ABLIM1: variants seen among roughly 807,000 people sequenced by gnomAD.
ABLIM1 encodes the protein actin binding LIM protein 1.
Under a neutral mutation model 107.0 loss-of-function variants are expected in ABLIM1, and 40 were observed. The ratio of observed to expected loss-of-function variants is 0.37; its 90% CI spans 0.29 to 0.49. ABLIM1 has a LOEUF of 0.49. ABLIM1 is among the 20% of genes least tolerant of loss of function. The pLI is 0.97. For missense variants in ABLIM1, 857 were observed against 1,008.5 expected (o/e 0.85, Z 2.04); for synonymous variants, 357 against 357.3 (o/e 1.00, Z 0.01).
chr10:114,545,370 C>T (rs896184082), intron 5 of ABLIM1, among the ~76,000 whole-genome samples: 2 of 152,200 alleles, frequency 1.3e-5, no homozygotes, highest in African/African-American at 4.8e-5. Context: ...TTTACTGTCT[C>T]AGAGCTAACT....
intron 1 of ABLIM1, among the ~76,000 whole-genome samples, chr10:114,749,550 A>T (rs574804714): frequency 2.0e-5 from 3 of 151,966 alleles, no homozygotes; most frequent in Non-Finnish European, 4.4e-5. Flanking sequence ...GATCAGGGGT[A>T]CTCGTGATTT....
chr10:114,560,502 A>G (rs2069539847), intron 4 of ABLIM1, among the ~76,000 whole-genome samples: 2 of 152,228 alleles, frequency 1.3e-5, no homozygotes, highest in African/African-American at 4.8e-5. Context: ...TTAGACACAC[A>G]AACACTTATC....
chr10:114,455,342 AT>A (rs1364773810), intron 12 of ABLIM1, among the ~76,000 whole-genome samples: 1 of 152,222 alleles, frequency 6.6e-6, no homozygotes, highest in Non-Finnish European at 1.5e-5. Context: ...TGACTTTATT[AT>A]TTAAGTCATA....
chr10:114,466,527 A>G (rs2065201662), intron 11 of ABLIM1, among the ~76,000 whole-genome samples: 1 of 152,176 alleles, frequency 6.6e-6, no homozygotes, highest in Admixed American at 6.5e-5. Flanking sequence ...CCAAGCTGGT[A>G]AGAGCCCTGT....
intron 1 of ABLIM1, among the ~76,000 whole-genome samples, chr10:114,716,966 G>T (rs1277769848): frequency 6.6e-6 from 1 of 151,956 alleles, no homozygotes; most frequent in Non-Finnish European, 1.5e-5. Context: ...AAAGTCAAGT[G>T]TACATGTGTG....
chr10:114,637,030 C>T (rs2078514108), intron 1 of ABLIM1, among the ~76,000 whole-genome samples: 2 of 98,436 alleles, frequency 2.0e-5, no homozygotes, highest in African/African-American at 8.0e-5. Context: ...GAGACGCTGT[C>T]TCTTTAAAAA....
chr10:114,451,855 G>A (rs2061964418), intron 13 of ABLIM1, among the ~76,000 whole-genome samples, 184 bp from the exon 14 acceptor site: 1 of 152,184 alleles, frequency 6.6e-6, no homozygotes, highest in Admixed American at 6.5e-5. Context: ...GCTTACTATA[G>A]ACAAGTGTTA....
At chr10:114,512,579 C>G (rs1306371655) in intron 6 of ABLIM1, among the ~76,000 whole-genome samples, 1 of 131,394 alleles carries the variant, frequency 7.6e-6, no homozygotes, top group African/African-American at 2.4e-5. Context: ...AATCCCAGCA[C>G]TTTAGGAGGC....
chr10:114,455,973 C>A (rs956567555), intron 12 of ABLIM1, among the ~76,000 whole-genome samples: 1 of 152,144 alleles, frequency 6.6e-6, no homozygotes, highest in Non-Finnish European at 1.5e-5. Context: ...CCACCGCGCC[C>A]GGCTAATTTT....
At chr10:114,451,785 A>C in intron 13 of ABLIM1, 114 bp from the exon 14 acceptor site, 1 of 895,776 alleles carries the variant, frequency 1.1e-6, no homozygotes, top group Non-Finnish European at 1.7e-6. Context: ...ACAACCCAGA[A>C]GGTTAATTTC....
intron 6 of ABLIM1, among the ~76,000 whole-genome samples, chr10:114,497,275 A>C (rs960748922): frequency 7.2e-5 from 11 of 152,364 alleles, no homozygotes; most frequent in East Asian, 1.9e-4. Flanking sequence ...CATAACTGGC[A>C]GCCGTCCTGC....
At position 114,435,686 on chromosome 10, in the gene ABLIM1, C is replaced by G. The variant is rs928703018; in HGVS notation, c.*574G>C. 3 of 152,206 alleles carry G rather than the reference C, an allele frequency of 2.0e-5. No individual in the cohort carries two copies. The highest frequency in any genetic ancestry group is 7.2e-5 in the African/African-American group (3 of 41,430). 9.4% of individuals were successfully genotyped at this position (152,206 alleles called of 1,614,324 possible). A position where few individuals can be genotyped will look rare whatever the true frequency, so the allele number is the denominator to read the frequency against. ...TAAGAATTAATTTTGCTGTTTTTCA[C>G]CCCATTCAAACAGAGCTGCCCTGTT... On this transcript the variant is annotated 3_prime_UTR_variant, in exon 23 of 23. Transcript: ENST00000533213.
intron 1 of ABLIM1, among the ~76,000 whole-genome samples, chr10:114,634,528 T>C (rs2078379948): frequency 6.6e-6 from 1 of 152,180 alleles, no homozygotes; most frequent in Non-Finnish European, 1.5e-5. Flanking sequence ...CCTACCTGTA[T>C]ACCTTGGTGG....
chr10:114,449,190 G>A (rs1234134907), intron 14 of ABLIM1, among the ~76,000 whole-genome samples: 1 of 152,222 alleles, frequency 6.6e-6, no homozygotes, highest in Non-Finnish European at 1.5e-5. Flanking sequence ...CTAACCTACA[G>A]AGATGGAGCA....
rs146435381 is a variant in ABLIM1, at chr10:114,453,383, A to T, written c.1542T>A (p.Val514=). 6.2e-5 allele frequency: 100 copies of T among 1,613,934 alleles called. No homozygotes were observed. In the African/African-American group the frequency reaches 1.3e-3, roughly 21 times the overall value. The change falls in exon 13 of 23, where the codon GTT becomes GTA. Residue 514 remains valine, a synonymous_variant. Coordinates refer to ENST00000533213, the MANE Select transcript of ABLIM1 (RefSeq NM_002313.7). ...ACAGACTGTGTCAGCTCCTACCTGG[A>T]ACATGGAAATGTTTAGGGGCCTGAG... ...TYAQAPKHFH[V]PDQGINIYRK...
At position 114,613,106 on chromosome 10, in the gene ABLIM1, C is replaced by T. The variant is rs76526125; in HGVS notation, c.245-11145G>A. On this transcript the variant is annotated intron_variant, in intron 1 of 22. Transcript: ENST00000533213. The stretch of plus-strand genomic sequence containing the variant: ...AGGACATACTCAGAATCATTAAGTA[C>T]TTAAAAACAGCATTTCAAACAAACT... Among the ~76,000 whole-genome samples the T allele has an allele frequency of 5.5e-3, 840 of 152,268 alleles. 6 individuals are homozygous for T. The highest frequency in any genetic ancestry group is 0.019 in the African/African-American group (781 of 41,554).
intron 17 of ABLIM1, among the ~76,000 whole-genome samples, chr10:114,442,162 C>T (rs1023546874): frequency 6.6e-6 from 1 of 152,196 alleles, no homozygotes; most frequent in Non-Finnish European, 1.5e-5. Flanking sequence ...AAATATCCTG[C>T]CAACAGTTAC....
Position 114,453,424 on chromosome 10 carries a change from G to A in ABLIM1, c.1501C>T (p.Leu501=). Reference sequence around the variant, plus strand: ...GGGGCCTGAGCGTAAGTTGGAGTTAGAGGGCGGCTGTCTGGCCGGTAAGGG... The same window carrying A: ...GGGGCCTGAGCGTAAGTTGGAGTTAAAGGGCGGCTGTCTGGCCGGTAAGGG... ...PLPYRPDSRP[L]TPTYAQAPKH... The change falls in exon 13 of 23, where the codon CTA becomes TTA. Residue 501 remains leucine (L), a synonymous_variant. Transcript: ENST00000533213. 6.2e-7 allele frequency: 1 copy of A among 1,613,970 alleles called. No homozygotes were observed. The highest frequency in any genetic ancestry group is 8.5e-7 in the Non-Finnish European group (1 of 1,179,892).
intron 1 of ABLIM1, among the ~76,000 whole-genome samples, chr10:114,641,719 A>G (rs1196322899): frequency 6.6e-6 from 1 of 152,168 alleles, no homozygotes; most frequent in Non-Finnish European, 1.5e-5. Context: ...CAGAGTAAGC[A>G]GTAAGTGCAA....
Sources: allele counts gnomAD v4.1 joint callset (sites outside exome capture counted in the v4.1 genomes callset), GRCh38; gene constraint gnomAD v4.1.1; transcripts MANE v1.5; gene names NCBI Gene and HGNC (gene_info 2026-07-23, HGNC 2026-07-21).